The following ROBO1 variants were observed in gnomAD, a reference collection of about 807,000 sequenced individuals.
The protein encoded by ROBO1 is roundabout homolog 1.
A neutral mutation model predicts 195.9 loss-of-function variants in ROBO1; 149 were observed. The ratio of observed to expected loss-of-function variants is 0.76; its 90% confidence interval spans 0.67 to 0.87. The LOEUF is 0.87. Among genes scored for constraint, ROBO1 ranks in the 40% least tolerant of loss-of-function variants. The probability of loss-of-function intolerance (pLI) is 0.00; values close to 1 mark genes in which losing one functional copy is unlikely to be tolerated. For synonymous variants in ROBO1, 816 were observed against 733.2 expected (o/e 1.11, Z -1.82); for missense variants, 1,933 against 2,068.3 (o/e 0.93, Z 1.27).
intron 2 of ROBO1, among the ~76,000 whole-genome samples, chr3:79,431,891 C>T (rs1192510859): frequency 6.6e-6 from 1 of 151,958 alleles, no homozygotes; most frequent in Non-Finnish European, 1.5e-5. Flanking sequence ...TACCAAATCA[C>T]TCATTTTTCT....
At chr3:79,223,341 CTT>C (rs1008392910) in intron 2 of ROBO1, among the ~76,000 whole-genome samples, 31 of 152,260 alleles carry the variant, frequency 2.0e-4, no homozygotes, top group African/African-American at 7.0e-4. Context: ...CTCTCCTTCT[CTT>C]CTCTTTCTTC....
At chr3:78,785,706 C>T (rs1340166103) in intron 4 of ROBO1, among the ~76,000 whole-genome samples, 1 of 152,094 alleles carries the variant, frequency 6.6e-6, no homozygotes, top group Non-Finnish European at 1.5e-5. Flanking sequence ...TTTTTTCTTC[C>T]TAGTAATTCC....
chr3:79,241,452 T>G (rs960117968), intron 2 of ROBO1, among the ~76,000 whole-genome samples: 1 of 152,134 alleles, frequency 6.6e-6, no homozygotes, highest in Non-Finnish European at 1.5e-5. Context: ...CTTTTCCTTT[T>G]TTGACTTATT....
At chr3:79,293,502 T>C (rs2032385798) in intron 2 of ROBO1, among the ~76,000 whole-genome samples, 1 of 152,190 alleles carries the variant, frequency 6.6e-6, no homozygotes, top group Admixed American at 6.5e-5. Context: ...TCCCATTTTC[T>C]CCTGTGGTCC....
At chr3:79,081,825 A>G (rs1213250519) in intron 3 of ROBO1, among the ~76,000 whole-genome samples, 1 of 152,212 alleles carries the variant, frequency 6.6e-6, no homozygotes, top group South Asian at 2.1e-4. Flanking sequence ...AATTTGGGAA[A>G]GTATAGGAAA....
chr3:79,625,423 G>GAAAAAA lies in ROBO1; in HGVS notation c.-50-35468_-50-35463dup. ...AAGTAATCCAGTAGCTGTTTTTTTTGAAAAAAAAAAAAAAAAAAAAAGCAA... is the reference window on the plus strand; with the variant it reads ...AAGTAATCCAGTAGCTGTTTTTTTTGAAAAAAAAAAAAAAAAAAAAAAAAAAAGCAA... On this transcript the variant is annotated intron_variant, in intron 1 of 30. Coordinates refer to ENST00000464233, the MANE Select transcript of ROBO1 (RefSeq NM_002941.4). Among the ~76,000 whole-genome samples, 86 of 13,876 alleles carry GAAAAAA rather than the reference G, an allele frequency of 6.2e-3. 11 individuals carry two copies. The highest frequency in any genetic ancestry group is 0.02 in the South Asian group (3 of 152). The allele number at this position is 13,876 out of a possible 152,430, so 9.1% of individuals were successfully genotyped here. A position where few individuals can be genotyped will look rare whatever the true frequency, so the allele number is the denominator to read the frequency against.
At position 79,317,164 on chromosome 3, in the gene ROBO1, G is replaced by A. The variant is rs564782678; in HGVS notation, c.89-191625C>T. Among the ~76,000 whole-genome samples the A allele has an allele frequency of 5.9e-5, 9 of 152,270 alleles. No homozygotes were observed. The South Asian group carries it at 1.9e-3, about 32-fold the overall frequency. On this transcript the variant is annotated intron_variant, in intron 2 of 30. Transcript: ENST00000464233. ...TCCTAAGGCCAGAAGGTCACTTTCTGTAAATGTGTATGTATTTATATTCAT... is the reference window on the plus strand; with the variant it reads ...TCCTAAGGCCAGAAGGTCACTTTCTATAAATGTGTATGTATTTATATTCAT...
intron 3 of ROBO1, among the ~76,000 whole-genome samples, chr3:78,989,246 T>C (rs1481948960): frequency 6.6e-6 from 1 of 152,210 alleles, no homozygotes; most frequent in East Asian, 1.9e-4. Flanking sequence ...ACATTATATG[T>C]ATTAAAACAT....
chr3:79,627,869 C>A (rs1256958755), intron 1 of ROBO1, among the ~76,000 whole-genome samples: 1 of 152,036 alleles, frequency 6.6e-6, no homozygotes. Context: ...AAGACATTTA[C>A]GTGGCCAACA....
At chr3:78,600,432 G>T in intron 29 of ROBO1, 123 bp from the exon 30 acceptor site, 1 of 665,838 alleles carries the variant, frequency 1.5e-6, no homozygotes, top group Non-Finnish European at 2.6e-6. Context: ...GTATAAATGA[G>T]GACACTCTAT....
chr3:79,430,692 T>G lies in ROBO1; in HGVS notation c.88+159132A>C, dbSNP rs142314659. Among the ~76,000 whole-genome samples the G allele has an allele frequency of 3.9e-5, 6 of 152,248 alleles. No homozygotes were observed. The East Asian group carries it at 1.2e-3, about 29-fold the overall frequency. On this transcript the variant is annotated intron_variant, in intron 2 of 30. Transcript: ENST00000464233. ...GAATGTATTTGTGTATAGTAACCAA[T>G]TTCCATTTTTCCTCTTGTTCCTGTT...
At chr3:79,380,768 GTGACTCACTCTGAC>G (rs2036541788) in intron 2 of ROBO1, among the ~76,000 whole-genome samples, 2 of 152,054 alleles carry the variant, frequency 1.3e-5, no homozygotes, top group Non-Finnish European at 2.9e-5. Flanking sequence ...GGCTGGCCTT[GTGACTCACTCTGAC>G]TAACAAAAGG....
chr3:79,416,168 C>T (rs1288838419), intron 2 of ROBO1, among the ~76,000 whole-genome samples: 1 of 151,876 alleles, frequency 6.6e-6, no homozygotes, highest in Admixed American at 6.6e-5. Context: ...AATAGAACCA[C>T]GATGGCTACA....
chr3:79,587,309 C>T (rs1943859984), intron 2 of ROBO1, among the ~76,000 whole-genome samples: 1 of 151,788 alleles, frequency 6.6e-6, no homozygotes, highest in Non-Finnish European at 1.5e-5. Flanking sequence ...ACCCAGTAAC[C>T]TAGCCACAGC....
At chr3:79,147,293 GGTACTTTCTGT>G (rs2080672146) in intron 2 of ROBO1, among the ~76,000 whole-genome samples, 1 of 151,932 alleles carries the variant, frequency 6.6e-6, no homozygotes, top group Non-Finnish European at 1.5e-5. Flanking sequence ...AAATTCAGAA[GGTACTTTCTGT>G]TTGACGAAAG....
intron 4 of ROBO1, among the ~76,000 whole-genome samples, chr3:78,777,675 C>T (rs1257206072): frequency 6.6e-6 from 1 of 152,076 alleles, no homozygotes; most frequent in African/African-American, 2.4e-5. Context: ...GTTTGGCTTA[C>T]TTTGTATTAT....
chr3:78,736,405 A>T (rs2082393861), intron 5 of ROBO1, among the ~76,000 whole-genome samples: 1 of 152,174 alleles, frequency 6.6e-6, no homozygotes, highest in Admixed American at 6.6e-5. Context: ...ACTTGGTAAA[A>T]GGAAAACAAA....
chr3:79,165,612 A>G (rs552660278), intron 2 of ROBO1, among the ~76,000 whole-genome samples: 1 of 152,360 alleles, frequency 6.6e-6, no homozygotes, highest in East Asian at 1.9e-4. Flanking sequence ...AAAGCCTGAA[A>G]GAACGGAATT....
intron 2 of ROBO1, among the ~76,000 whole-genome samples, chr3:79,386,040 T>C (rs2036730895): frequency 6.6e-6 from 1 of 152,138 alleles, no homozygotes; most frequent in Non-Finnish European, 1.5e-5. Context: ...CATCTTTATA[T>C]TAGTCCTCAA....
Sources: allele counts gnomAD v4.1 joint callset (sites outside exome capture counted in the v4.1 genomes callset), GRCh38; gene constraint gnomAD v4.1.1; transcripts MANE v1.5; gene names NCBI Gene and HGNC (gene_info 2026-07-23, HGNC 2026-07-21).